The following ZCCHC7 variants were observed in gnomAD, a reference collection of about 807,000 sequenced individuals.
The protein encoded by ZCCHC7 is zinc finger CCHC-type containing 7, also known as zinc finger CCHC domain-containing protein 7.
In ZCCHC7, 35 loss-of-function variants were observed where a neutral mutation model predicts 52.0. That is an observed-to-expected ratio of 0.67 (90% confidence interval 0.51 to 0.89). The LOEUF (loss-of-function observed/expected upper bound fraction) is 0.89, where lower values mean the gene tolerates loss of function less well. Ranked by LOEUF, ZCCHC7 falls within the 40% of genes least tolerant of loss-of-function variation. ZCCHC7 has a pLI of 0.00. For missense variants in ZCCHC7, 574 were observed against 649.1 expected (o/e 0.88, Z 1.26); for synonymous variants, 217 against 221.5 (o/e 0.98, Z 0.18).
intron 2 of ZCCHC7, among the ~76,000 whole-genome samples, chr9:37,221,096 T>C (rs1351368028): frequency 6.6e-6 from 1 of 152,208 alleles, no homozygotes; most frequent in Non-Finnish European, 1.5e-5. Context: ...TCCACCAGTG[T>C]AGCCACAGAG....
At chr9:37,219,053 AT>A (rs531142267) in intron 2 of ZCCHC7, among the ~76,000 whole-genome samples, 1 of 151,336 alleles carries the variant, frequency 6.6e-6, no homozygotes, top group Non-Finnish European at 1.5e-5. Flanking sequence ...ACAGAGCAAG[AT>A]TCCATCCCCC....
intron 2 of ZCCHC7, among the ~76,000 whole-genome samples, chr9:37,191,941 A>C (rs1422948218): frequency 1.3e-5 from 2 of 152,242 alleles, no homozygotes; most frequent in African/African-American, 4.8e-5. Context: ...GAGCTGTAGA[A>C]AACCGCCTAA....
chr9:37,304,385 G>C, intron 4 of ZCCHC7, 72 bp downstream of exon 4: 1 of 1,549,922 alleles, frequency 6.5e-7, no homozygotes, highest in Admixed American at 1.8e-5. Flanking sequence ...TGGGCACGGT[G>C]GCTCATGCCT....
intron 2 of ZCCHC7, among the ~76,000 whole-genome samples, chr9:37,222,924 A>G (rs1824900921): frequency 6.6e-6 from 1 of 152,188 alleles, no homozygotes; most frequent in Non-Finnish European, 1.5e-5. Context: ...AATGTTTACC[A>G]TCACTACTAA....
At position 37,357,755 on chromosome 9, in the gene ZCCHC7, A is replaced by G. The variant is rs1821801191; in HGVS notation, c.*487A>G. On this transcript the variant is annotated 3_prime_UTR_variant, in exon 9 of 9. Transcript: ENST00000336755. Reference sequence around the variant, plus strand: ...TTTTCTTTCTGCTGAAGCTGTTGTCAGAATCTTCCTTTGGACAAAACATCA... The same window carrying G: ...TTTTCTTTCTGCTGAAGCTGTTGTCGGAATCTTCCTTTGGACAAAACATCA... The G allele has an allele frequency of 6.6e-6, 1 of 151,706 alleles. No homozygotes were observed. Among genetic ancestry groups the G allele is most frequent in the African/African-American group, 2.4e-5 (1 of 41,220 alleles). 9.4% of individuals were successfully genotyped at this position (151,706 alleles called of 1,614,324 possible).
intron 2 of ZCCHC7, among the ~76,000 whole-genome samples, chr9:37,277,015 A>G (rs916825744): frequency 2.0e-5 from 3 of 152,208 alleles, no homozygotes; most frequent in African/African-American, 7.2e-5. Context: ...TTTAGTGCCT[A>G]TTGATGATTT....
At chr9:37,297,003 T>C (rs954979460) in intron 2 of ZCCHC7, among the ~76,000 whole-genome samples, 29 of 151,824 alleles carry the variant, frequency 1.9e-4, no homozygotes, top group African/African-American at 7.0e-4. Flanking sequence ...TCCCAAAGTA[T>C]TGGAATTGCA....
At chr9:37,264,272 A>G (rs186769473) in intron 2 of ZCCHC7, among the ~76,000 whole-genome samples, 195 of 152,346 alleles carry the variant, frequency 1.3e-3, no homozygotes, top group African/African-American at 4.3e-3. Context: ...TGGCATACAA[A>G]TGTAAATAGT....
intron 2 of ZCCHC7, among the ~76,000 whole-genome samples, chr9:37,161,410 T>TA (rs1381850823): frequency 6.6e-6 from 1 of 151,744 alleles, no homozygotes. Context: ...CCATCTCTAC[T>TA]AAAAATACAA....
chr9:37,169,669 A>G (rs1821622991), intron 2 of ZCCHC7, among the ~76,000 whole-genome samples: 1 of 152,182 alleles, frequency 6.6e-6, no homozygotes, highest in Non-Finnish European at 1.5e-5. Context: ...TGTTGTGTGT[A>G]TATACTAGCA....
chr9:37,120,860 C>G (rs1842281637), intron 1 of ZCCHC7: 1 of 220,284 alleles, frequency 4.5e-6, no homozygotes, highest in South Asian at 1.8e-4. Context: ...GGGCTAATGC[C>G]GTGATTCTAG....
At chr9:37,311,650 T>C (rs1361431899) in intron 5 of ZCCHC7, among the ~76,000 whole-genome samples, 1 of 152,194 alleles carries the variant, frequency 6.6e-6, no homozygotes, top group African/African-American at 2.4e-5. Flanking sequence ...CCTCAGGTGA[T>C]CTGCCCGCCT....
chr9:37,151,985 A>G (rs1820556440), intron 2 of ZCCHC7, among the ~76,000 whole-genome samples: 1 of 152,204 alleles, frequency 6.6e-6, no homozygotes, highest in South Asian at 2.1e-4. Flanking sequence ...AGTCTCATAA[A>G]TCTTCCTCCT....
At chr9:37,278,980 GTT>G (rs1323656375) in intron 2 of ZCCHC7, among the ~76,000 whole-genome samples, 1 of 152,136 alleles carries the variant, frequency 6.6e-6, no homozygotes, top group Admixed American at 6.5e-5. Flanking sequence ...GAAGCCAGGA[GTT>G]TTGAGACCAA....
intron 2 of ZCCHC7, among the ~76,000 whole-genome samples, chr9:37,179,978 G>A (rs1822259448): frequency 6.6e-6 from 1 of 152,086 alleles, no homozygotes; most frequent in Non-Finnish European, 1.5e-5. Flanking sequence ...ACCCCTGCTG[G>A]CATTTTTCAT....
intron 2 of ZCCHC7, among the ~76,000 whole-genome samples, chr9:37,264,132 G>A (rs976924061): frequency 1.6e-4 from 25 of 152,100 alleles, no homozygotes; most frequent in Admixed American, 5.9e-4. Context: ...AATCCTTGCT[G>A]TCATTTACTA....
At chr9:37,306,911 C>T (rs1431453532) in intron 5 of ZCCHC7, among the ~76,000 whole-genome samples, 1 of 150,720 alleles carries the variant, frequency 6.6e-6, no homozygotes, top group Non-Finnish European at 1.5e-5. Flanking sequence ...CCTCAGCCTC[C>T]CAAGTAGCTG....
intron 2 of ZCCHC7, among the ~76,000 whole-genome samples, chr9:37,135,306 A>G (rs904902565): frequency 1.3e-5 from 2 of 152,252 alleles, no homozygotes; most frequent in African/African-American, 4.8e-5. Flanking sequence ...AAACAAATAA[A>G]TAATTGTCTA....
At position 37,274,368 on chromosome 9, in the gene ZCCHC7, CTTGCTCTG is replaced by C. The variant is rs1335610359; in HGVS notation, c.611-27813_611-27806del. ...TTTTTTTTTTTTTTTGAGATGGAGT[CTTGCTCTG>C]TTGCTCAGGCAGGAGCACAGTGGTG... is the stretch of plus-strand genomic sequence containing the variant. On this transcript the variant is annotated intron_variant, in intron 2 of 8. Coordinates refer to ENST00000336755, the MANE Select transcript of ZCCHC7 (RefSeq NM_032226.3). Among the ~76,000 whole-genome samples the C allele has an allele frequency of 4.4e-5, 4 of 90,834 alleles. No homozygotes were observed. In the East Asian group the frequency reaches 1.4e-3, roughly 33 times the overall value. 59.6% of individuals were successfully genotyped at this position (90,834 alleles called of 152,430 possible).
Sources: gnomAD v4.1 joint callset for allele counts (sites outside exome capture counted in the v4.1 genomes callset) on GRCh38, gnomAD v4.1.1 for gene constraint, MANE v1.5 for transcripts, NCBI Gene and HGNC (gene_info 2026-07-23, HGNC 2026-07-21) for gene names.